CNTN6: variants seen among roughly 807,000 people sequenced by gnomAD.
CNTN6 encodes contactin-6.
A neutral mutation model predicts 122.8 loss-of-function variants in CNTN6; 137 were observed. The observed-to-expected ratio is 1.12, with a 90% CI of 0.97 to 1.29. The LOEUF (loss-of-function observed/expected upper bound fraction) is 1.29, where lower values mean the gene tolerates loss of function less well. CNTN6 is among the 50% of genes most tolerant of loss of function. The probability of loss-of-function intolerance (pLI) is 0.00; values close to 1 mark genes in which losing one functional copy is unlikely to be tolerated. For missense variants in CNTN6, 1,634 were observed against 1,223.4 expected, an observed-to-expected ratio of 1.34 and a Z score of -5.01; for synonymous variants, 570 against 426.0, an observed-to-expected ratio of 1.34 and a Z score of -4.16.
chr3:1,390,853 C>G (rs1694036349), intron 20 of CNTN6, among the ~76,000 whole-genome samples: 1 of 150,454 alleles, frequency 6.6e-6, no homozygotes, highest in South Asian at 2.1e-4. Flanking sequence ...AAGACTAAAC[C>G]AGGAAGAAGT....
intron 7 of CNTN6, among the ~76,000 whole-genome samples, chr3:1,306,199 A>G (rs1173659169): frequency 6.6e-6 from 1 of 152,166 alleles, no homozygotes; most frequent in Admixed American, 6.5e-5. Context: ...ATCTCTTCCT[A>G]GGCATAGTTT....
intron 2 of CNTN6, among the ~76,000 whole-genome samples, chr3:1,191,685 T>C (rs1246884307): frequency 6.6e-6 from 1 of 152,176 alleles, no homozygotes; most frequent in African/African-American, 2.4e-5. Context: ...GTGGACACCC[T>C]GGGTACCCAA....
intron 7 of CNTN6, among the ~76,000 whole-genome samples, chr3:1,309,497 C>A (rs1293091857): frequency 6.6e-6 from 1 of 152,148 alleles, no homozygotes; most frequent in Non-Finnish European, 1.5e-5. Flanking sequence ...TATTCTTTTG[C>A]CATTACCACA....
intron 12 of CNTN6, among the ~76,000 whole-genome samples, chr3:1,367,575 T>C (rs190236081): frequency 7.2e-4 from 110 of 152,158 alleles, no homozygotes; most frequent in African/African-American, 2.6e-3. Context: ...AATTTATTTG[T>C]AACCTGTGTG....
chr3:1,372,250 A>G (rs1709122097), intron 12 of CNTN6, 49 bp from the exon 13 acceptor site: 1 of 1,423,162 alleles, frequency 7.0e-7, no homozygotes, highest in Non-Finnish European at 9.6e-7. Flanking sequence ...TTTTATAACC[A>G]TAGGCTAGCA....
intron 11 of CNTN6, among the ~76,000 whole-genome samples, chr3:1,334,700 C>G (rs143428019): frequency 1.3e-5 from 2 of 152,068 alleles, no homozygotes; most frequent in African/African-American, 4.8e-5. Context: ...ATCAGCTAGG[C>G]TGTAAGCTCC....
At chr3:1,272,125 C>T (rs1328580178) in intron 4 of CNTN6, among the ~76,000 whole-genome samples, 1 of 152,204 alleles carries the variant, frequency 6.6e-6, no homozygotes, top group Non-Finnish European at 1.5e-5. Context: ...TGCCTTTGCT[C>T]CTCCTTCACC....
intron 12 of CNTN6, among the ~76,000 whole-genome samples, chr3:1,352,832 TAA>T (rs1705872221): frequency 1.3e-5 from 2 of 151,896 alleles, no homozygotes; most frequent in South Asian, 2.1e-4. Context: ...TACATGTATA[TAA>T]GGCTACCAAA....
At chr3:1,229,841 A>G (rs551507120) in intron 4 of CNTN6, among the ~76,000 whole-genome samples, 6 of 152,296 alleles carry the variant, frequency 3.9e-5, no homozygotes, top group African/African-American at 1.4e-4. Context: ...GTTGATCTTG[A>G]AAAGCATTTC....
At chr3:1,115,061 A>G (rs573080438) in intron 1 of CNTN6, among the ~76,000 whole-genome samples, 73 of 152,296 alleles carry the variant, frequency 4.8e-4, no homozygotes, top group African/African-American at 1.7e-3. Flanking sequence ...CAGGAGCAGC[A>G]CAATTTCAGT....
At chr3:1,215,396 C>G (rs1371319485) in intron 2 of CNTN6, among the ~76,000 whole-genome samples, 2 of 152,146 alleles carry the variant, frequency 1.3e-5, no homozygotes, top group Non-Finnish European at 2.9e-5. Flanking sequence ...AACATTATAG[C>G]AGTAATGTGA....
At chr3:1,329,634 A>G in intron 10 of CNTN6, 151 bp from the exon 11 acceptor site, 1 of 543,690 alleles carries the variant, frequency 1.8e-6, no homozygotes, top group Non-Finnish European at 3.2e-6. Flanking sequence ...ATGTTAAGTC[A>G]GTATTTGGTC....
chr3:1,257,107 G>A (rs537559131), intron 4 of CNTN6, among the ~76,000 whole-genome samples: 1 of 152,022 alleles, frequency 6.6e-6, no homozygotes, highest in Admixed American at 6.6e-5. Flanking sequence ...TTTTCATTTG[G>A]ATGTCTAGGT....
intron 11 of CNTN6, among the ~76,000 whole-genome samples, chr3:1,346,177 T>A (rs1381296707): frequency 1.3e-5 from 2 of 152,310 alleles, no homozygotes; most frequent in South Asian, 2.1e-4. Context: ...ATTAGATTTG[T>A]TATAGTGACA....
At chr3:1,136,154 C>G (rs2092467108) in intron 1 of CNTN6, among the ~76,000 whole-genome samples, 1 of 152,040 alleles carries the variant, frequency 6.6e-6, no homozygotes, top group Non-Finnish European at 1.5e-5. Context: ...TTAGAGAGCT[C>G]TATTACATCC....
At chr3:1,381,873 T>A (rs891207453) in intron 17 of CNTN6, among the ~76,000 whole-genome samples, 2 of 152,156 alleles carry the variant, frequency 1.3e-5, no homozygotes, top group Non-Finnish European at 2.9e-5. Context: ...TTAGTCACCG[T>A]AGAGTACAGA....
At chr3:1,384,486 C>CAAA (rs1443792052) in intron 19 of CNTN6, among the ~76,000 whole-genome samples, 1 of 142,738 alleles carries the variant, frequency 7.0e-6, no homozygotes, top group Non-Finnish European at 1.5e-5. Flanking sequence ...AAGAATAAGG[C>CAAA]AAATTACATT....
rs553098107 is a variant in CNTN6, at chr3:1,376,462, A to G, written c.2096-543A>G. On this transcript the variant is annotated intron_variant, in intron 16 of 22. Transcript: ENST00000446702. ...AACCTGACTTTGCAAGTGAAAAGTTAGAAGAAAATCCCTCTTCTTCTCTCC... is the reference window on the plus strand; with the variant it reads ...AACCTGACTTTGCAAGTGAAAAGTTGGAAGAAAATCCCTCTTCTTCTCTCC... Among the ~76,000 whole-genome samples, 40 of 152,268 alleles carry G rather than the reference A, an allele frequency of 2.6e-4. No individual in the cohort carries two copies. In the South Asian group the frequency reaches 8.1e-3, roughly 31 times the overall value.
chr3:1,251,264 C>T (rs1334705605), intron 4 of CNTN6, among the ~76,000 whole-genome samples: 1 of 152,106 alleles, frequency 6.6e-6, no homozygotes, highest in Non-Finnish European at 1.5e-5. Context: ...CTAAAGTTGC[C>T]AGTTCCACCC....
Sources: gnomAD v4.1 joint callset for allele counts (sites outside exome capture counted in the v4.1 genomes callset) on GRCh38, gnomAD v4.1.1 for gene constraint, MANE v1.5 for transcripts, NCBI Gene and HGNC (gene_info 2026-07-23, HGNC 2026-07-21) for gene names.